The following SNX29 variants were observed in gnomAD, a reference collection of about 807,000 sequenced individuals.
SNX29 encodes the protein sorting nexin-29.
SNX29 carries 78 observed loss-of-function variants against 102.1 expected under a neutral mutation model. The observed-to-expected ratio is 0.76, with a 90% CI of 0.64 to 0.92. The LOEUF (loss-of-function observed/expected upper bound fraction) is 0.92. SNX29 is among the 40% of genes least tolerant of loss of function. The probability of loss-of-function intolerance (pLI) is 0.00; values close to 1 mark genes in which losing one functional copy is unlikely to be tolerated. For missense variants in SNX29, 1,280 were observed against 1,061.7 expected (o/e 1.21, Z -2.86); for synonymous variants, 580 against 414.5 (o/e 1.40, Z -4.85).
In SNX29 at chr16:12,475,622, A is replaced by G. The variant is rs573830426; in HGVS notation, c.2038-2097A>G. ...AGTCTACCTTCAACCTGTTCAGAAC[A>G]CTTACATTCACCTATAGTTAGGCAC... On this transcript the variant is annotated intron_variant, in intron 18 of 20. Transcript: ENST00000566228. Among the ~76,000 whole-genome samples, 4 of 152,352 alleles carry G rather than the reference A, an allele frequency of 2.6e-5. No homozygotes were observed. In the South Asian group the frequency reaches 8.3e-4, roughly 32 times the overall value.
intron 4 of SNX29, among the ~76,000 whole-genome samples, chr16:12,031,136 G>A (rs1007328833): frequency 6.6e-6 from 1 of 151,796 alleles, no homozygotes; most frequent in Non-Finnish European, 1.5e-5. Context: ...GCAGTGGTGC[G>A]ATCTCGGCTC....
At chr16:12,313,203 G>A (rs937668600) in intron 15 of SNX29, among the ~76,000 whole-genome samples, 7 of 152,052 alleles carry the variant, frequency 4.6e-5, no homozygotes, top group African/African-American at 1.4e-4. Flanking sequence ...TAGTAGAGAC[G>A]GGGTTTCACC....
chr16:12,287,923 G>A (rs2079652138), intron 15 of SNX29, among the ~76,000 whole-genome samples: 1 of 152,102 alleles, frequency 6.6e-6, no homozygotes, highest in African/African-American at 2.4e-5. Flanking sequence ...TTACATGTGT[G>A]GTACTTGGTG....
intron 13 of SNX29, among the ~76,000 whole-genome samples, chr16:12,147,783 T>A (rs1446992918): frequency 6.6e-6 from 1 of 152,226 alleles, no homozygotes; most frequent in East Asian, 1.9e-4. Flanking sequence ...GGTGGCAATT[T>A]CCATGTCACT....
chr16:12,211,849 T>G (rs1312599219), intron 14 of SNX29, among the ~76,000 whole-genome samples: 1 of 152,252 alleles, frequency 6.6e-6, no homozygotes, highest in Non-Finnish European at 1.5e-5. Context: ...TGTGCTTTAC[T>G]GATTAAACTG....
At chr16:12,064,939 C>T (rs2050958889) in intron 9 of SNX29, among the ~76,000 whole-genome samples, 1 of 152,346 alleles carries the variant, frequency 6.6e-6, no homozygotes, top group East Asian at 1.9e-4. Context: ...GGGCTCCTCA[C>T]CTTAGGAGAC....
In SNX29 at chr16:12,572,856, C is replaced by T. The variant is rs987195938; in HGVS notation, c.*4227C>T. ...GGCAGCCTCATGCCCAGGTTTCAGC[C>T]CTAAAGGTAATGATTGTCTTGACTC... On this transcript the variant is annotated 3_prime_UTR_variant, in exon 21 of 21. Coordinates refer to ENST00000566228, the MANE Select transcript of SNX29 (RefSeq NM_032167.5). 4 of 1,063,580 alleles carry T rather than the reference C, an allele frequency of 3.8e-6. No homozygotes were observed. The Admixed American group carries it at 1.6e-4, about 43-fold the overall frequency. The allele number at this position is 1,063,580 out of a possible 1,614,324, so 65.9% of individuals were successfully genotyped here. A position where few individuals can be genotyped will look rare whatever the true frequency, so the allele number is the denominator to read the frequency against.
chr16:12,272,046 C>T (rs1004543509), intron 14 of SNX29, among the ~76,000 whole-genome samples: 3 of 152,188 alleles, frequency 2.0e-5, no homozygotes, highest in Admixed American at 2.0e-4. Flanking sequence ...ACCAGGGCAG[C>T]AAGGAAGTCA....
chr16:12,003,793 G>A (rs917141817), intron 3 of SNX29, among the ~76,000 whole-genome samples: 6 of 152,126 alleles, frequency 3.9e-5, no homozygotes, highest in African/African-American at 1.4e-4. Flanking sequence ...GATCACTTGA[G>A]GTCAGGAGTT....
At chr16:12,544,285 A>G (rs781231229) in intron 20 of SNX29, among the ~76,000 whole-genome samples, 1 of 152,182 alleles carries the variant, frequency 6.6e-6, no homozygotes, top group Non-Finnish European at 1.5e-5. Flanking sequence ...CACTCTCAGT[A>G]CGGCATCCAG....
chr16:12,371,246 C>T (rs995610743), intron 16 of SNX29, among the ~76,000 whole-genome samples: 1 of 151,970 alleles, frequency 6.6e-6, no homozygotes, highest in African/African-American at 2.4e-5. Context: ...TCCTTCCTTC[C>T]TTTCTTTCTC....
intron 18 of SNX29, among the ~76,000 whole-genome samples, chr16:12,417,957 G>T (rs533338726): frequency 6.6e-6 from 1 of 152,080 alleles, no homozygotes; most frequent in Non-Finnish European, 1.5e-5. Context: ...GTCTTTGGCC[G>T]CAGCATTGAG....
rs777603120 is a variant in SNX29, at chr16:12,051,868, G to C, written c.770G>C (p.Arg257Pro). 3 of 1,610,352 alleles carry C rather than the reference G, an allele frequency of 1.9e-6. No homozygotes were observed. Among genetic ancestry groups the C allele is most frequent in the East Asian group, 2.2e-5 (1 of 44,832 alleles). ...CCAGATGCCAAATGCAAAAAGGAGC[G>C]GAAGAAGAAAAAGAAAGTGACCAAC... Reference protein sequence around the residue: ...VSADAKCKKERKKKKKVTNII... With the variant: ...VSADAKCKKEPKKKKKVTNII... Residue 257 changes from arginine (R) to proline (P), a missense_variant, in exon 8 of 21, where the codon CGG becomes CCG. Arg to Pro is a moderately radical substitution (Grantham distance 103). Transcript: ENST00000566228.
intron 14 of SNX29, among the ~76,000 whole-genome samples, chr16:12,273,822 C>T (rs9927284): frequency 0.046 from 7,056 of 152,206 alleles, 569 homozygotes; most frequent in African/African-American, 0.16. Context: ...ATTTCGTGTA[C>T]GTGGGCTCAG....
chr16:12,073,768 T>C (rs1567181661), intron 10 of SNX29, among the ~76,000 whole-genome samples: 2 of 152,112 alleles, frequency 1.3e-5, no homozygotes, highest in South Asian at 2.1e-4. Context: ...GACAGTGGGG[T>C]GTTAAAGTCT....
chr16:12,300,997 A>G (rs9937428), intron 15 of SNX29, among the ~76,000 whole-genome samples: 9,497 of 152,124 alleles, frequency 0.062, 1,018 homozygotes, highest in African/African-American at 0.22. Flanking sequence ...CCAGTGCAGA[A>G]CTCTGTTCTT....
At chr16:12,559,931 A>G (rs1303555344) in intron 20 of SNX29, among the ~76,000 whole-genome samples, 2 of 152,178 alleles carry the variant, frequency 1.3e-5, no homozygotes, top group Non-Finnish European at 2.9e-5. Context: ...GTGAGTCGAG[A>G]TTACATCACT....
chr16:12,553,943 T>G (rs917158986), intron 20 of SNX29, among the ~76,000 whole-genome samples: 11 of 152,162 alleles, frequency 7.2e-5, no homozygotes, highest in Admixed American at 2.6e-4. Flanking sequence ...TTCTCCTGCC[T>G]CAGCCACCCA....
At chr16:12,554,833 C>T (rs914395387) in intron 20 of SNX29, among the ~76,000 whole-genome samples, 2 of 152,184 alleles carry the variant, frequency 1.3e-5, no homozygotes, top group Admixed American at 6.5e-5. Flanking sequence ...CTGTGCCATT[C>T]TTTCCGTAGG....
Sources: allele counts gnomAD v4.1 joint callset (sites outside exome capture counted in the v4.1 genomes callset), GRCh38; gene constraint gnomAD v4.1.1; transcripts MANE v1.5; gene names NCBI Gene and HGNC (gene_info 2026-07-23, HGNC 2026-07-21).